OPCML: variants seen among roughly 807,000 people sequenced by gnomAD.
The protein encoded by OPCML is opioid binding protein/cell adhesion molecule like, also known as opioid-binding protein/cell adhesion molecule.
OPCML carries 13 observed loss-of-function variants against 37.8 expected under a neutral mutation model. The observed-to-expected ratio is 0.34, with a 90% CI of 0.22 to 0.55. OPCML has a LOEUF of 0.55. Among genes scored for constraint, OPCML ranks in the 20% least tolerant of loss-of-function variants. The pLI is 0.91. For missense variants in OPCML, 341 were observed against 435.6 expected (o/e 0.78, Z 1.93); for synonymous variants, 176 against 168.8 (o/e 1.04, Z -0.33).
At chr11:132,530,369 T>C (rs1290863175) in intron 3 of OPCML, among the ~76,000 whole-genome samples, 11 of 152,036 alleles carry the variant, frequency 7.2e-5, no homozygotes, top group Non-Finnish European at 1.5e-4. Flanking sequence ...TCATCACCAC[T>C]GTCCTGGTTG....
intron 1 of OPCML, among the ~76,000 whole-genome samples, chr11:133,095,736 T>C (rs931241051): frequency 6.6e-6 from 1 of 150,996 alleles, no homozygotes; most frequent in African/African-American, 2.4e-5. Flanking sequence ...GACCACCTTA[T>C]CTACAGAGGA....
intron 1 of OPCML, chr11:133,005,063 G>A (rs749877359): frequency 2.0e-6 from 2 of 985,150 alleles, no homozygotes; most frequent in Non-Finnish European, 2.4e-6. Flanking sequence ...TTTCATGAAT[G>A]CCACACCCTT....
At chr11:132,694,248 G>T (rs927202463) in intron 2 of OPCML, among the ~76,000 whole-genome samples, 10 of 138,518 alleles carry the variant, frequency 7.2e-5, no homozygotes, top group African/African-American at 2.5e-4. Flanking sequence ...CATCAGGCTG[G>T]AGTGCAGTGG....
intron 4 of OPCML, among the ~76,000 whole-genome samples, chr11:132,452,170 G>T (rs1381243032): frequency 6.6e-6 from 1 of 152,166 alleles, no homozygotes; most frequent in Non-Finnish European, 1.5e-5. Context: ...TTAGCTTCTT[G>T]CCTCAGAGTT....
chr11:133,072,673 G>C (rs191041318), intron 1 of OPCML, among the ~76,000 whole-genome samples: 1 of 152,134 alleles, frequency 6.6e-6, no homozygotes, highest in African/African-American at 2.4e-5. Context: ...AGAGGAGTTC[G>C]GTTGACTATG....
intron 2 of OPCML, among the ~76,000 whole-genome samples, chr11:132,931,825 A>C (rs1277670681): frequency 6.6e-6 from 1 of 152,240 alleles, no homozygotes; most frequent in Non-Finnish European, 1.5e-5. Flanking sequence ...AGATATTTGT[A>C]CACCTAGGTT....
At chr11:132,453,928 T>C (rs1215722442) in intron 4 of OPCML, among the ~76,000 whole-genome samples, 3 of 152,202 alleles carry the variant, frequency 2.0e-5, no homozygotes, top group Non-Finnish European at 2.9e-5. Context: ...GCTAAGTGGA[T>C]TCTGGTTGCA....
chr11:133,088,278 C>T (rs915607831), intron 1 of OPCML, among the ~76,000 whole-genome samples: 15 of 152,286 alleles, frequency 9.8e-5, no homozygotes, highest in African/African-American at 2.4e-4. Context: ...CTTAAAAGCA[C>T]GGATTGCGAA....
At chr11:132,441,167 T>TTTTTTTTTGTTTTTTTG in intron 4 of OPCML, among the ~76,000 whole-genome samples, 1 of 111,014 alleles carries the variant, frequency 9.0e-6, no homozygotes, top group African/African-American at 3.6e-5. Flanking sequence ...ACTTTTTTGT[T>TTTTTTTTTGTTTTTTTG]TTTTTTTTTT....
intron 4 of OPCML, among the ~76,000 whole-genome samples, chr11:132,465,129 T>A (rs539564923): frequency 6.6e-6 from 1 of 152,282 alleles, no homozygotes; most frequent in South Asian, 2.1e-4. Context: ...ATTTAAATGC[T>A]CCCCCTTGTG....
rs574217700 is a variant in OPCML, at chr11:133,276,775, G to A, written c.61+255489C>T. ...CAATTCTATTAGACCACCCGAGTTT[G>A]TTTTTATAACTTCTATGACAGTTCT... On this transcript the variant is annotated intron_variant, in intron 1 of 7. Transcript: ENST00000524381. Among the ~76,000 whole-genome samples the A allele has an allele frequency of 1.5e-3, 224 of 152,146 alleles. 5 individuals carry two copies. Among genetic ancestry groups the A allele is most frequent in the Middle Eastern group, 0.01 (3 of 294 alleles).
chr11:132,793,350 T>C (rs556723790), intron 2 of OPCML, among the ~76,000 whole-genome samples: 1 of 152,214 alleles, frequency 6.6e-6, no homozygotes, highest in East Asian at 1.9e-4. Context: ...TTCCAACTCG[T>C]AGTCTTGTTT....
intron 1 of OPCML, among the ~76,000 whole-genome samples, chr11:133,050,654 T>C (rs1353623524): frequency 3.9e-5 from 6 of 152,046 alleles, no homozygotes; most frequent in Non-Finnish European, 8.8e-5. Flanking sequence ...TAGGCCTCCC[T>C]TCTTAGGATT....
chr11:132,527,326 T>C (rs1486922188), intron 4 of OPCML, among the ~76,000 whole-genome samples: 1 of 152,192 alleles, frequency 6.6e-6, no homozygotes. Context: ...CTATAGGGCT[T>C]ATATGTTTTC....
rs184960767 is a variant in OPCML, at chr11:133,188,018, G to A, written c.62-245008C>T. Among the ~76,000 whole-genome samples, 174 of 152,286 alleles carry A rather than the reference G, an allele frequency of 1.1e-3. 6 individuals carry two copies. The East Asian group carries it at 0.031, about 27-fold the overall frequency. On this transcript the variant is annotated intron_variant, in intron 1 of 7. Coordinates refer to ENST00000524381, the MANE Select transcript of OPCML (RefSeq NM_001012393.5). ...CAGCTCTGGGTGACAACAAAAAACA[G>A]GTTTTGAAGCCTTCTGTCCAAGCCA... is the stretch of plus-strand genomic sequence containing the variant.
rs563516354 is a variant in OPCML at position 132,524,100 on chromosome 11, C to G, written c.505+4961G>C. ...ACGACTATGGCATTGCAAGAGGGGA[C>G]GACTACCCTCCTTAGAACACAACAG... On this transcript the variant is annotated intron_variant, in intron 4 of 7. Transcript: ENST00000524381. 2.0e-4 allele frequency among the ~76,000 whole-genome samples: 31 copies of G among 152,276 alleles called. No homozygotes were observed. The South Asian group carries it at 2.3e-3, about 11-fold the overall frequency.
At chr11:133,493,122 C>A (rs1947701785) in intron 1 of OPCML, among the ~76,000 whole-genome samples, 1 of 152,224 alleles carries the variant, frequency 6.6e-6, no homozygotes, top group Non-Finnish European at 1.5e-5. Flanking sequence ...ATGACAAGCG[C>A]AGGATTGAGG....
intron 3 of OPCML, among the ~76,000 whole-genome samples, chr11:132,645,782 G>T (rs1941116413): frequency 6.6e-6 from 1 of 152,184 alleles, no homozygotes; most frequent in Non-Finnish European, 1.5e-5. Context: ...TAAAACTAAA[G>T]ACTTGGCTTT....
At chr11:133,169,239 G>C (rs555735246) in intron 1 of OPCML, among the ~76,000 whole-genome samples, 2 of 152,204 alleles carry the variant, frequency 1.3e-5, no homozygotes, top group Non-Finnish European at 2.9e-5. Context: ...ATATCGTACA[G>C]CTGGAAAGTG....
Sources: gnomAD v4.1 joint callset for allele counts (sites outside exome capture counted in the v4.1 genomes callset) on GRCh38, gnomAD v4.1.1 for gene constraint, MANE v1.5 for transcripts, NCBI Gene and HGNC (gene_info 2026-07-23, HGNC 2026-07-21) for gene names.